Variants in BPIFA2 observed in about 807,000 individuals in gnomAD.
The protein encoded by BPIFA2 is BPI fold containing family A member 2.
Under a neutral mutation model 25.7 loss-of-function variants are expected in BPIFA2, and 20 were observed. That is an observed-to-expected ratio of 0.78 (90% CI 0.55 to 1.13). BPIFA2 has a LOEUF of 1.13. Among genes scored for constraint, BPIFA2 ranks in the 50% most tolerant of loss-of-function variants. The probability of loss-of-function intolerance (pLI) is 0.00; values close to 1 mark genes in which losing one functional copy is unlikely to be tolerated. For missense variants in BPIFA2, 300 were observed against 298.1 expected (o/e 1.01, Z -0.05); for synonymous variants, 126 against 124.3 (o/e 1.01, Z -0.09).
At chr20:33,175,580 T>G (rs1307818826) in intron 5 of BPIFA2, 21 bp downstream of exon 5, 2 of 1,612,046 alleles carry the variant, frequency 1.2e-6, no homozygotes, top group Non-Finnish European at 1.7e-6. Flanking sequence ...TTCATCTTAG[T>G]AGAGCTGGGC....
At chr20:33,180,767 T>C (rs1203685284) in intron 8 of BPIFA2, among the ~76,000 whole-genome samples, 170 bp downstream of exon 8, 1 of 152,218 alleles carries the variant, frequency 6.6e-6, no homozygotes, top group Non-Finnish European at 1.5e-5. Context: ...CTCTGAACAC[T>C]GAGCCTTAAT....
upstream of BPIFA2, among the ~76,000 whole-genome samples, chr20:33,164,563 TTC>T (rs1568605461): frequency 1.6e-5 from 2 of 125,412 alleles, no homozygotes; most frequent in African/African-American, 8.4e-5. Flanking sequence ...CTCTCTCTCT[TTC>T]TTTCTTTCTT....
At chr20:33,178,348 A>G (rs1424637911) in intron 6 of BPIFA2, 120 bp downstream of exon 6, 3 of 718,410 alleles carry the variant, frequency 4.2e-6, no homozygotes, top group Non-Finnish European at 4.4e-6. Flanking sequence ...TCTCCTTAGG[A>G]GGTCAGCTGG....
upstream of BPIFA2, among the ~76,000 whole-genome samples, chr20:33,164,872 G>A (rs369391476): frequency 5.3e-5 from 8 of 152,370 alleles, no homozygotes; most frequent in South Asian, 1.7e-3. Flanking sequence ...GTTGGATGAA[G>A]CATTCAGGGA....
chr20:33,166,001 C>T (rs980617551), upstream of BPIFA2, among the ~76,000 whole-genome samples: 3 of 151,872 alleles, frequency 2.0e-5, no homozygotes, highest in Non-Finnish European at 2.9e-5. Flanking sequence ...ATGACAGATG[C>T]TCCTCATTTT....
chr20:33,171,901 G>A (rs1033012570), intron 2 of BPIFA2, among the ~76,000 whole-genome samples: 1 of 152,000 alleles, frequency 6.6e-6, no homozygotes, highest in Non-Finnish European at 1.5e-5. Flanking sequence ...TATCCCCAGA[G>A]GAATATAAAA....
At chr20:33,164,573 C>A (rs764380247), upstream of BPIFA2, among the ~76,000 whole-genome samples, 9 of 151,678 alleles carry the variant, frequency 5.9e-5, no homozygotes, top group African/African-American at 9.7e-5. Flanking sequence ...TTCTTTCTTT[C>A]TTTCTTTCTT....
chr20:33,180,866 T>C (rs1490036314), intron 8 of BPIFA2, among the ~76,000 whole-genome samples: 8 of 152,174 alleles, frequency 5.3e-5, no homozygotes, highest in African/African-American at 1.2e-4. Context: ...GCCTTAGTCT[T>C]GGTCACAGAA....
At position 33,174,091 on chromosome 20, in the gene BPIFA2, C is replaced by T. The variant is rs771439064; in HGVS notation, c.315C>T (p.Ser105=). 1.9e-6 allele frequency: 3 copies of T among 1,614,024 alleles called. No homozygotes were observed. The highest frequency in any genetic ancestry group is 1.1e-5 in the South Asian group (1 of 91,084). The stretch of plus-strand genomic sequence containing the variant: ...GGGTTTCACACAGGTTGAAAATCAG[C>T]AACTCCCTCATCCTGGATGTCAAAG... ...TNTDIFGLKI[S]NSLILDVKAE... Residue 105 remains serine (S), a synonymous_variant, in exon 4 of 9, where the codon AGC becomes AGT. Transcript: ENST00000354932.
rs1263990799 is a variant in BPIFA2, at chr20:33,179,771, A to G, written c.709+104A>G. The G allele has an allele frequency of 3.3e-6, 4 of 1,209,572 alleles. No homozygotes were observed. The East Asian group carries it at 7.0e-5, about 21-fold the overall frequency. The allele number at this position is 1,209,572 out of a possible 1,614,324, so 74.9% of individuals were successfully genotyped here. On this transcript the variant is annotated intron_variant, in intron 7 of 8. Coordinates refer to ENST00000354932, the MANE Select transcript of BPIFA2 (RefSeq NM_080574.4). ...GGACCCTGGAGAAGCAGAAGGACCCACTGTCCTAAGCAAATTGGGAGCCAT... is the reference window on the plus strand; with the variant it reads ...GGACCCTGGAGAAGCAGAAGGACCCGCTGTCCTAAGCAAATTGGGAGCCAT...
chr20:33,164,734 T>C (rs1302350438), upstream of BPIFA2, among the ~76,000 whole-genome samples: 1 of 151,580 alleles, frequency 6.6e-6, no homozygotes, highest in Non-Finnish European at 1.5e-5. Flanking sequence ...ATTTGACTCC[T>C]GCTGTAGACC....
intron 4 of BPIFA2, among the ~76,000 whole-genome samples, 184 bp from the exon 5 acceptor site, chr20:33,175,220 CAGG>C (rs965534620): frequency 6.6e-6 from 1 of 152,044 alleles, no homozygotes; most frequent in African/African-American, 2.4e-5. Context: ...CCCAAGTGGC[CAGG>C]AGAAGAAGCC....
In BPIFA2 at chr20:33,174,079, G is replaced by T. The variant is rs61734343; in HGVS notation, c.303G>T (p.Gly101=). 1,745 of 1,613,708 alleles carry T rather than the reference G, an allele frequency of 1.1e-3. 14 individuals are homozygous for T. In the African/African-American group the frequency reaches 0.017, roughly 16 times the overall value. ...AGGGTGAATTGTGGGTTTCACACAG[G>T]TTGAAAATCAGCAACTCCCTCATCC... ...KLLPTNTDIF[G]LKISNSLILD... Residue 101 remains glycine, a splice_region_variant and synonymous_variant, in exon 4 of 9, where the codon GGG becomes GGT. Transcript: ENST00000354932.
At chr20:33,179,304 C>T (rs1984190419) in intron 6 of BPIFA2, among the ~76,000 whole-genome samples, 1 of 151,896 alleles carries the variant, frequency 6.6e-6, no homozygotes, top group African/African-American at 2.4e-5. Flanking sequence ...GTGGCATGTG[C>T]CTGTGAACCC....
chr20:33,167,118 C>A (rs957644809), upstream of BPIFA2, among the ~76,000 whole-genome samples: 1 of 152,230 alleles, frequency 6.6e-6, no homozygotes, highest in African/African-American at 2.4e-5. Flanking sequence ...CAGCCAGCTC[C>A]TGGAGCCACT....
At chr20:33,163,626 C>T (rs932672019), upstream of BPIFA2, among the ~76,000 whole-genome samples, 1 of 152,070 alleles carries the variant, frequency 6.6e-6, no homozygotes, top group African/African-American at 2.4e-5. Context: ...AGTTTGAGAC[C>T]AGCCTGGCCA....
chr20:33,166,918 G>T (rs914904470), upstream of BPIFA2, among the ~76,000 whole-genome samples: 2 of 152,250 alleles, frequency 1.3e-5, no homozygotes, highest in Non-Finnish European at 2.9e-5. Flanking sequence ...ACAACTGGGG[G>T]AAGAGCGGGG....
chr20:33,178,919 A>G (rs890522683), intron 6 of BPIFA2, among the ~76,000 whole-genome samples: 3 of 152,222 alleles, frequency 2.0e-5, no homozygotes, highest in Admixed American at 1.3e-4. Context: ...GTGTACACAC[A>G]GGAGCAAGAG....
intron 6 of BPIFA2, 112 bp from the exon 7 acceptor site, chr20:33,179,491 TC>T: frequency 1.2e-6 from 1 of 818,620 alleles, no homozygotes; most frequent in Non-Finnish European, 2.1e-6. Context: ...GATTCTAAGA[TC>T]CCTAGAAATG....
Sources: gnomAD v4.1 joint callset for allele counts (sites outside exome capture counted in the v4.1 genomes callset) on GRCh38, gnomAD v4.1.1 for gene constraint, MANE v1.5 for transcripts, NCBI Gene and HGNC (gene_info 2026-07-23, HGNC 2026-07-21) for gene names.